The following LTC4S variants were observed in gnomAD, a reference collection of about 807,000 sequenced individuals.
LTC4S encodes LTC4 synthase.
A neutral mutation model predicts 19.6 loss-of-function variants in LTC4S; 18 were observed. The observed-to-expected ratio is 0.92, with a 90% CI of 0.64 to 1.36. LTC4S has a LOEUF of 1.36. Among genes scored for constraint, LTC4S ranks in the 40% most tolerant of loss-of-function variants. The pLI is 0.00. For missense variants in LTC4S, 235 were observed against 212.2 expected (o/e 1.11, Z -0.67); for synonymous variants, 126 against 110.1 (o/e 1.14, Z -0.91).
In LTC4S at chr5:179,796,031, C is replaced by A. The variant is rs769937154; in HGVS notation, c.311+9C>A. The A allele has an allele frequency of 1.7e-6, 2 of 1,154,170 alleles. No individual in the cohort carries two copies. The highest frequency in any genetic ancestry group is 3.6e-5 in the African/African-American group (2 of 56,002). 71.5% of individuals were successfully genotyped at this position (1,154,170 alleles called of 1,614,324 possible). ...CGCTCCGCGCAGCTCAGGTGAGGGC[C>A]GGGCGGGGAGCGGGGCGGGGCCGGG... On this transcript the variant is annotated intron_variant, in intron 4 of 4. Coordinates refer to ENST00000292596, the MANE Select transcript of LTC4S (RefSeq NM_145867.2).
rs767422865 is a variant in LTC4S, at chr5:179,795,962, T to C, written c.251T>C (p.Leu84Pro). ...GCAGGGGCGGCGGCCCTGTGCGGCC[T>C]GGTCTACCTGTTCGCGCGCCTCCGC... ...FHEGAAALCG[L>P]VYLFARLRYF... The change falls in exon 4 of 5, where the codon CTG becomes CCG. Residue 84 changes from leucine (L) to proline (P), a missense_variant. Transcript: ENST00000292596. 2 of 1,550,750 alleles carry C rather than the reference T, an allele frequency of 1.3e-6. No individual in the cohort carries two copies. Among genetic ancestry groups the C allele is most frequent in the East Asian group, 2.4e-5 (1 of 42,056 alleles).
Position 179,796,513 on chromosome 5 carries a change from C to T in LTC4S, c.*119C>T. On this transcript the variant is annotated 3_prime_UTR_variant, in exon 5 of 5. Coordinates refer to ENST00000292596, the MANE Select transcript of LTC4S (RefSeq NM_145867.2). The stretch of plus-strand genomic sequence containing the variant: ...ATCATTAAAGTTCTAGTGACCGAGA[C>T]CCGGGCTGCGTTCTCTGGGTCCGCG... 1 of 1,306,652 alleles carries T rather than the reference C, an allele frequency of 7.7e-7. No individual in the cohort carries two copies. The highest frequency in any genetic ancestry group is 1.9e-5 in the South Asian group (1 of 52,640). The allele number at this position is 1,306,652 out of a possible 1,614,324, so 80.9% of individuals were successfully genotyped here. A position where few individuals can be genotyped will look rare whatever the true frequency, so the allele number is the denominator to read the frequency against.
intron 1 of LTC4S, among the ~76,000 whole-genome samples, chr5:179,794,837 C>T (rs569830545): frequency 2.2e-4 from 34 of 152,328 alleles, no homozygotes; most frequent in African/African-American, 7.7e-4. Flanking sequence ...GTGGTCTGGC[C>T]TGGCCTCACC....
intron 4 of LTC4S, 47 bp from the exon 5 acceptor site, chr5:179,796,206 A>G: frequency 1.5e-6 from 2 of 1,369,780 alleles, no homozygotes; most frequent in Non-Finnish European, 1.9e-6. Flanking sequence ...GCGGCGGGGA[A>G]GAAGCGGGCC....
In LTC4S at chr5:179,796,445, A is replaced by G. The variant is rs956810591; in HGVS notation, c.*51A>G. ...CCGGGAAAGAAGAGCCGGAGCCTCCAGCTGCCCCGGGGAGGGGCGCTCGCT... is the reference window on the plus strand; with the variant it reads ...CCGGGAAAGAAGAGCCGGAGCCTCCGGCTGCCCCGGGGAGGGGCGCTCGCT... On this transcript the variant is annotated 3_prime_UTR_variant, in exon 5 of 5. Coordinates refer to ENST00000292596, the MANE Select transcript of LTC4S (RefSeq NM_145867.2). 1.7e-5 allele frequency: 24 copies of G among 1,452,304 alleles called. No individual in the cohort carries two copies. The highest frequency in any genetic ancestry group is 2.1e-5 in the Non-Finnish European group (23 of 1,107,138). 90.0% of individuals were successfully genotyped at this position (1,452,304 alleles called of 1,614,324 possible).
At position 179,795,981 on chromosome 5, in the gene LTC4S, C is replaced by T. The variant is rs763797556; in HGVS notation, c.270C>T (p.Arg90=). Residue 90 remains arginine, a synonymous_variant, in exon 4 of 5, where the codon CGC becomes CGT. Transcript: ENST00000292596. ...GCGGCCTGGTCTACCTGTTCGCGCG[C>T]CTCCGCTACTTCCAGGGCTACGCGC... ...ALCGLVYLFA[R]LRYFQGYARS... is the part of the protein sequence containing the mutation. The T allele has an allele frequency of 9.7e-6, 15 of 1,542,046 alleles. No individual in the cohort carries two copies. The highest frequency in any genetic ancestry group is 9.6e-5 in the African/African-American group (7 of 73,280).
At position 179,795,966 on chromosome 5, in the gene LTC4S, C is replaced by T. The variant is rs969847040; in HGVS notation, c.255C>T (p.Val85=). 2.6e-6 allele frequency: 4 copies of T among 1,549,262 alleles called. No individual in the cohort carries two copies. Among genetic ancestry groups the T allele is most frequent in the Non-Finnish European group, 3.5e-6 (4 of 1,153,434 alleles). Residue 85 remains valine (V), a synonymous_variant, in exon 4 of 5, where the codon GTC becomes GTT. Coordinates refer to ENST00000292596, the MANE Select transcript of LTC4S (RefSeq NM_145867.2). Reference sequence around the variant, plus strand: ...GGGCGGCGGCCCTGTGCGGCCTGGTCTACCTGTTCGCGCGCCTCCGCTACT... The same window carrying T: ...GGGCGGCGGCCCTGTGCGGCCTGGTTTACCTGTTCGCGCGCCTCCGCTACT... The part of the protein sequence containing the change: ...HEGAAALCGL[V]YLFARLRYFQ...
At chr5:179,796,152 G>A (rs1756615515) in intron 4 of LTC4S, 101 bp from the exon 5 acceptor site, 3 of 1,253,646 alleles carry the variant, frequency 2.4e-6, no homozygotes, top group South Asian at 1.7e-5. Flanking sequence ...TTCGGTGGGC[G>A]AGCCCTGGCG....
intron 1 of LTC4S, among the ~76,000 whole-genome samples, chr5:179,794,767 G>A (rs551141089): frequency 1.3e-5 from 2 of 152,348 alleles, no homozygotes; most frequent in South Asian, 4.1e-4. Context: ...GCAGGACTCA[G>A]GGGGAGATGG....
intron 1 of LTC4S, chr5:179,795,348 C>T (rs1371483524): frequency 2.2e-5 from 31 of 1,409,722 alleles, no homozygotes; most frequent in Non-Finnish European, 2.8e-5. Context: ...CAGGTTGGGA[C>T]AGGGCCTCTC....
At chr5:179,795,165 G>A (rs1756565882) in intron 1 of LTC4S, 1 of 229,226 alleles carries the variant, frequency 4.4e-6, no homozygotes, top group Non-Finnish European at 8.5e-6. Context: ...GCACCTGGGA[G>A]GATGCAGCCA....
rs879199638 is a variant in LTC4S, at chr5:179,796,258, C to T, written c.317C>T (p.Ala106Val). The T allele has an allele frequency of 1.4e-5, 20 of 1,464,132 alleles. No individual in the cohort carries two copies. Among genetic ancestry groups the T allele is most frequent in the South Asian group, 3.9e-5 (3 of 76,928 alleles). 90.7% of individuals were successfully genotyped at this position (1,464,132 alleles called of 1,614,324 possible). A position where few individuals can be genotyped will look rare whatever the true frequency, so the allele number is the denominator to read the frequency against. Residue 106 changes from alanine to valine, a missense_variant, in exon 5 of 5, where the codon GCA (alanine) becomes GTA (valine). Transcript: ENST00000292596. ...GYARSAQLRL[A>V]PLYASARALW... ...CCGCTGACCGCCGCCCGCAGGCTGG[C>T]ACCGCTGTACGCGAGCGCGCGCGCC...
chr5:179,794,555 T>C (rs923615621), intron 1 of LTC4S, among the ~76,000 whole-genome samples: 4 of 152,232 alleles, frequency 2.6e-5, no homozygotes, highest in African/African-American at 9.6e-5. Context: ...AAAGGACACA[T>C]TCCTTGGCCA....
intron 4 of LTC4S, 85 bp from the exon 5 acceptor site, chr5:179,796,168 C>T: frequency 7.8e-7 from 1 of 1,278,704 alleles, no homozygotes; most frequent in Non-Finnish European, 1.0e-6. Context: ...TGGCGGCGGC[C>T]AGAGGAAGTC....
chr5:179,795,553 G>A, intron 1 of LTC4S, 31 bp from the exon 2 acceptor site: 1 of 1,590,088 alleles, frequency 6.3e-7, no homozygotes, highest in Non-Finnish European at 8.6e-7. Flanking sequence ...CGGGTGTCCA[G>A]ACCTGACTCC....
rs1214560152 is a variant in LTC4S at position 179,795,777 on chromosome 5, C to T, written c.159-9C>T. On this transcript the variant is annotated splice_polypyrimidine_tract_variant and intron_variant, in intron 2 of 4. Transcript: ENST00000292596. ...CGGCCGGCGCGCTCATCCCACCCGC[C>T]CACCGCAGGGTGAACTGCAGCGAGT... 6.3e-7 allele frequency: 1 copy of T among 1,593,066 alleles called. No individual in the cohort carries two copies. The highest frequency in any genetic ancestry group is 1.1e-5 in the South Asian group (1 of 89,188).
At position 179,795,976 on chromosome 5, in the gene LTC4S, G is replaced by T; in HGVS notation, c.265G>T (p.Ala89Ser). 2 of 1,543,100 alleles carry T rather than the reference G, an allele frequency of 1.3e-6. No individual in the cohort carries two copies. Among genetic ancestry groups the T allele is most frequent in the African/African-American group, 2.7e-5 (2 of 73,272 alleles). ...AALCGLVYLFARLRYFQGYAR... is the reference protein window; with the variant it reads ...AALCGLVYLFSRLRYFQGYAR... ...CCTGTGCGGCCTGGTCTACCTGTTCGCGCGCCTCCGCTACTTCCAGGGCTA... is the reference window on the plus strand; with the variant it reads ...CCTGTGCGGCCTGGTCTACCTGTTCTCGCGCCTCCGCTACTTCCAGGGCTA... Residue 89 changes from alanine to serine, a missense_variant, in exon 4 of 5, where the codon GCG becomes TCG. Ala to Ser is a moderately conservative substitution (Grantham distance 99). Transcript: ENST00000292596.
At position 179,796,595 on chromosome 5, in the gene LTC4S, C is replaced by G. The variant is rs969219612; in HGVS notation, c.*201C>G. The G allele has an allele frequency of 2.6e-6, 2 of 756,720 alleles. No homozygotes were observed. Among genetic ancestry groups the G allele is most frequent in the Non-Finnish European group, 1.9e-6 (1 of 539,014 alleles). The allele number at this position is 756,720 out of a possible 1,614,324, so 46.9% of individuals were successfully genotyped here. ...AGGGGCCCAGCCCGAGTCCGGGCAGCCCGGGGCGGGCTTCCTAGTGGCGGC... is the reference window on the plus strand; with the variant it reads ...AGGGGCCCAGCCCGAGTCCGGGCAGGCCGGGGCGGGCTTCCTAGTGGCGGC... On this transcript the variant is annotated 3_prime_UTR_variant, in exon 5 of 5. Coordinates refer to ENST00000292596, the MANE Select transcript of LTC4S (RefSeq NM_145867.2).
intron 2 of LTC4S, 41 bp downstream of exon 2, chr5:179,795,724 C>G: frequency 1.3e-6 from 2 of 1,564,908 alleles, no homozygotes; most frequent in Non-Finnish European, 1.7e-6. Flanking sequence ...GAGCGAGCCC[C>G]AGGCGGGTCC....
Sources: gnomAD v4.1 joint callset for allele counts (sites outside exome capture counted in the v4.1 genomes callset) on GRCh38, gnomAD v4.1.1 for gene constraint, MANE v1.5 for transcripts, NCBI Gene and HGNC (gene_info 2026-07-23, HGNC 2026-07-21) for gene names.